Variants in PDZD4 observed in about 807,000 individuals in gnomAD.
PDZD4 encodes PDZ domain containing 4.
PDZD4 carries 9 observed loss-of-function variants against 38.5 expected under a neutral mutation model. That is an observed-to-expected ratio of 0.23 (90% CI 0.14 to 0.41). PDZD4 has a LOEUF of 0.41. Ranked by LOEUF, PDZD4 falls within the 10% of genes least tolerant of loss-of-function variation. The pLI, the probability that PDZD4 is intolerant of heterozygous loss-of-function variation, is 1.00. For missense variants in PDZD4, 612 were observed against 722.0 expected (o/e 0.85, Z 1.75); for synonymous variants, 349 against 315.7 (o/e 1.11, Z -1.12).
chrX:153,811,958 G>T (rs782444629), intron 1 of PDZD4, among the ~76,000 whole-genome samples: 2 of 111,952 alleles, frequency 1.8e-5, no homozygotes, highest in East Asian at 5.7e-4. Context: ...CAAACACAGC[G>T]ATTATTGGTA....
chrX:153,803,237 T>C lies in PDZD4; in HGVS notation c.*116A>G, dbSNP rs1393091460. 1 of 501,634 alleles carries C rather than the reference T, an allele frequency of 2.0e-6. No homozygotes were observed. The allele number at this position is 501,634 out of a possible 1,213,427, so 41.3% of individuals were successfully genotyped here. ...ACACCCAGACGAGGAGATGTGTGCG[T>C]GCGCACAGCGAGCACGCGCGCGCGC... On this transcript the variant is annotated 3_prime_UTR_variant, in exon 8 of 8. Transcript: ENST00000393758.
intron 6 of PDZD4, 55 bp from the exon 7 acceptor site, chrX:153,805,262 T>A: frequency 9.6e-7 from 1 of 1,042,622 alleles, no homozygotes; most frequent in East Asian, 3.0e-5. Flanking sequence ...CCATATACCC[T>A]TCTTGTCTGC....
intron 5 of PDZD4, 78 bp from the exon 6 acceptor site, chrX:153,805,684 A>G (rs782220399): frequency 4.1e-4 from 336 of 824,081 alleles, no homozygotes; most frequent in Non-Finnish European, 5.7e-4. Context: ...CAGGGAGCCC[A>G]AGCACTCTGG....
At chrX:153,823,407 G>A (rs1301795763) in intron 1 of PDZD4, among the ~76,000 whole-genome samples, 1 of 110,389 alleles carries the variant, frequency 9.1e-6, no homozygotes, top group Admixed American at 9.6e-5. Context: ...TAGTAGAGAT[G>A]GGGTTTCTCT....
rs2092207510 is a variant in PDZD4 at position 153,805,077 on chromosome X, G to A, written c.780+20C>T. The A allele has an allele frequency of 8.3e-7, 1 of 1,197,967 alleles. No homozygotes were observed. The highest frequency in any genetic ancestry group is 2.2e-5 in the Admixed American group (1 of 45,813). On this transcript the variant is annotated intron_variant, in intron 7 of 7. Transcript: ENST00000393758. ...TCTCTCCTCCTCGCCCTCCCCACCA[G>A]CGCCCTTTTCCTTCCTCACCTGCTG...
At chrX:153,828,184 C>T (rs782306259) in intron 1 of PDZD4, among the ~76,000 whole-genome samples, 21 of 112,171 alleles carry the variant, frequency 1.9e-4, no homozygotes, top group Non-Finnish European at 3.8e-4. Flanking sequence ...ACAAAAGCTC[C>T]TTCTCCTCTG....
At chrX:153,805,724 T>TCTGGGAGGATGTAA in intron 5 of PDZD4, 118 bp from the exon 6 acceptor site, 2 of 566,838 alleles carry the variant, frequency 3.5e-6, no homozygotes, top group East Asian at 6.8e-5. Context: ...GGGCTTGAGC[T>TCTGGGAGGATGTAA]CTGGGAGGAT....
chrX:153,803,886 G>C lies in PDZD4; in HGVS notation c.1795C>G (p.Leu599Val). Residue 599 changes from leucine (L) to valine (V), a missense_variant, in exon 8 of 8, where the codon CTG (leucine) becomes GTG (valine). Coordinates refer to ENST00000393758, the MANE Select transcript of PDZD4 (RefSeq NM_001303512.2). ...SCVQLAPTRG[L>V]EELGHGPLSL... ...AGGGGGCCGTGGCCCAGCTCCTCCA[G>C]GCCTCGCGTCGGGGCCAGCTGCACG... 1 of 1,183,695 alleles carries C rather than the reference G, an allele frequency of 8.4e-7. No homozygotes were observed. The highest frequency in any genetic ancestry group is 1.1e-6 in the Non-Finnish European group (1 of 884,198).
chrX:153,813,219 C>T (rs781802601), intron 1 of PDZD4, among the ~76,000 whole-genome samples: 9 of 112,185 alleles, frequency 8.0e-5, no homozygotes, highest in African/African-American at 2.9e-4. Context: ...AGTAAAAAGG[C>T]GGGCTCAGAG....
chrX:153,808,348 G>C lies in PDZD4; in HGVS notation c.308C>G (p.Ser103Cys). The change falls in exon 2 of 8, where the codon TCT becomes TGT. Residue 103 changes from serine (S) to cysteine (C), a missense_variant. Around this residue, in one of 3 missense-constraint regions of PDZD4, gnomAD observed 225 missense variants for 311.0 expected, o/e 0.72. Coordinates refer to ENST00000393758, the MANE Select transcript of PDZD4 (RefSeq NM_001303512.2). ...PMVILEPYVL[S>C]ELPPISHEYY... Reference sequence around the variant, plus strand: ...CCTCCTGAGGGCGACTCACAGCTCAGAGAGGACGTACGGCTCCAGGATGAC... The same window carrying C: ...CCTCCTGAGGGCGACTCACAGCTCACAGAGGACGTACGGCTCCAGGATGAC... 1.7e-6 allele frequency: 2 copies of C among 1,207,390 alleles called. No homozygotes were observed. Among genetic ancestry groups the C allele is most frequent in the Non-Finnish European group, 2.2e-6 (2 of 893,401 alleles).
chrX:153,807,674 C>T (rs1218291634), intron 2 of PDZD4, among the ~76,000 whole-genome samples: 1 of 112,861 alleles, frequency 8.9e-6, no homozygotes, highest in Non-Finnish European at 1.9e-5. Flanking sequence ...GGACCAACTT[C>T]TCCAATCTCC....
At chrX:153,816,820 G>A (rs1603265265) in intron 1 of PDZD4, among the ~76,000 whole-genome samples, 1 of 111,703 alleles carries the variant, frequency 9.0e-6, no homozygotes, top group Non-Finnish European at 1.9e-5. Flanking sequence ...AGCAGGCAAC[G>A]GCAGTGGTCC....
At chrX:153,812,608 GCTCT>G (rs1225872534) in intron 1 of PDZD4, among the ~76,000 whole-genome samples, 6 of 109,398 alleles carry the variant, frequency 5.5e-5, no homozygotes, top group African/African-American at 1.3e-4. Context: ...AAGCCTTCTC[GCTCT>G]CTCTCTCTCT....
At position 153,806,858 on chromosome X, in the gene PDZD4, G is replaced by A. The variant is rs782154064; in HGVS notation, c.406-18C>T. The A allele has an allele frequency of 1.5e-5, 18 of 1,181,168 alleles. No individual in the cohort carries two copies. The highest frequency in any genetic ancestry group is 2.1e-5 in the Non-Finnish European group (18 of 868,374). On this transcript the variant is annotated intron_variant, in intron 3 of 7. Transcript: ENST00000393758. ...TCCACCTCCTGCCACGAGGGGTCCGGGAGGAAGCAGAGGTAGAAAGCCCCA... is the reference window on the plus strand; with the variant it reads ...TCCACCTCCTGCCACGAGGGGTCCGAGAGGAAGCAGAGGTAGAAAGCCCCA...
chrX:153,823,509 C>T (rs782013192), intron 1 of PDZD4, among the ~76,000 whole-genome samples: 1 of 110,105 alleles, frequency 9.1e-6, no homozygotes, highest in African/African-American at 3.3e-5. Context: ...TGAGCCACCA[C>T]GCCTGGTCAA....
intron 1 of PDZD4, among the ~76,000 whole-genome samples, chrX:153,816,351 A>T (rs782520267): frequency 9.4e-6 from 1 of 105,833 alleles, no homozygotes; most frequent in East Asian, 3.0e-4. Flanking sequence ...AAGGCAGGGG[A>T]GGGGCCCTGG....
Position 153,829,639 on chromosome X carries a change from C to T in PDZD4, c.60+600G>A, listed in dbSNP as rs1433191415. 3 of 681,454 alleles carry T rather than the reference C, an allele frequency of 4.4e-6. No individual in the cohort carries two copies. The African/African-American group carries it at 7.2e-5, about 16-fold the overall frequency. The allele number at this position is 681,454 out of a possible 1,213,427, so 56.2% of individuals were successfully genotyped here. On this transcript the variant is annotated intron_variant, in intron 1 of 7. Transcript: ENST00000393758. ...CGGGCCCCGCGTCTCCTTCCCTCCC[C>T]GCGGGGCCCTGCTGGTCCACGCCCC...
chrX:153,802,733 C>T lies in PDZD4; in HGVS notation c.*620G>A, dbSNP rs2092180374. 3 of 111,122 alleles carry T rather than the reference C, an allele frequency of 2.7e-5. No homozygotes were observed. In the Admixed American group the frequency reaches 2.9e-4, roughly 11 times the overall value. The allele number at this position is 111,122 out of a possible 1,213,427, so 9.2% of individuals were successfully genotyped here. ...CAGCCCTCCCTCCCACTCTTCCTCC[C>T]CAACTCCCTTCCCAGCCATCAGTGG... On this transcript the variant is annotated 3_prime_UTR_variant, in exon 8 of 8. Transcript: ENST00000393758.
rs973387328 is a variant in PDZD4, at chrX:153,810,175, G to A, written c.61-1580C>T. On this transcript the variant is annotated intron_variant, in intron 1 of 7. Coordinates refer to ENST00000393758, the MANE Select transcript of PDZD4 (RefSeq NM_001303512.2). ...GAGGCAGCTCGAGGCAGGCGTGCAG[G>A]GTCTCCTCATGGGCTCAGCGGCTTA... Among the ~76,000 whole-genome samples, 17 of 112,887 alleles carry A rather than the reference G, an allele frequency of 1.5e-4. No homozygotes were observed. The East Asian group carries it at 3.9e-3, about 26-fold the overall frequency.
Sources: allele counts gnomAD v4.1 joint callset (sites outside exome capture counted in the v4.1 genomes callset), GRCh38; gene constraint gnomAD v4.1.1; regional missense constraint gnomAD v4.1.1; transcripts MANE v1.5; gene names NCBI Gene and HGNC (gene_info 2026-07-23, HGNC 2026-07-21).